The following SPIDR variants were observed in gnomAD, a reference collection of about 807,000 sequenced individuals.
SPIDR encodes DNA repair-scaffolding protein.
SPIDR carries 93 observed loss-of-function variants against 104.6 expected under a neutral mutation model. The ratio of observed to expected loss-of-function variants is 0.89; its 90% CI spans 0.75 to 1.06. The LOEUF is 1.06. Among genes scored for constraint, SPIDR ranks in the 50% least tolerant of loss-of-function variants. The probability of loss-of-function intolerance (pLI) is 0.00; values close to 1 mark genes in which losing one functional copy is unlikely to be tolerated. For synonymous variants in SPIDR, 431 were observed against 416.9 expected, an observed-to-expected ratio of 1.03 and a Z score of -0.41; for missense variants, 1,154 against 1,111.2, an observed-to-expected ratio of 1.04 and a Z score of -0.55.
intron 8 of SPIDR, among the ~76,000 whole-genome samples, chr8:47,553,072 G>C (rs1434516838): frequency 1.3e-5 from 2 of 152,198 alleles, no homozygotes; most frequent in African/African-American, 2.4e-5. Context: ...TTTTCTTTAA[G>C]AATGTTGAAT....
rs1370415347 is a variant in SPIDR, at chr8:47,685,610, T to TC, written c.1685+11669_1685+11670insC. ...ACTTTCAGTTTTTGTTTTTCTTTCT[T>TC]TTTTTTTAATCTCTGCTCACTGCAA... On this transcript the variant is annotated intron_variant, in intron 11 of 19. Transcript: ENST00000297423. Among the ~76,000 whole-genome samples the TC allele has an allele frequency of 3.3e-5, 5 of 150,480 alleles. No homozygotes were observed. The East Asian group carries it at 9.9e-4, about 30-fold the overall frequency.
At chr8:47,478,965 T>G (rs1475388417) in intron 8 of SPIDR, among the ~76,000 whole-genome samples, 1 of 152,204 alleles carries the variant, frequency 6.6e-6, no homozygotes, top group Non-Finnish European at 1.5e-5. Flanking sequence ...AATACATGAT[T>G]TGCTTTTGAG....
At chr8:47,319,764 A>G (rs113876994) in intron 5 of SPIDR, among the ~76,000 whole-genome samples, 535 of 152,328 alleles carry the variant, frequency 3.5e-3, no homozygotes, top group African/African-American at 0.012. Context: ...CCACAGTGCA[A>G]TCAAACTAGA....
intron 7 of SPIDR, among the ~76,000 whole-genome samples, chr8:47,413,238 G>A (rs913777487): frequency 2.6e-5 from 4 of 152,204 alleles, no homozygotes; most frequent in Non-Finnish European, 4.4e-5. Context: ...TTCATGCAGC[G>A]CTTTTGTTTC....
chr8:47,265,209 T>TTTTTTTTA (rs1225755863), intron 1 of SPIDR, among the ~76,000 whole-genome samples: 1 of 135,924 alleles, frequency 7.4e-6, no homozygotes, highest in African/African-American at 2.8e-5. Context: ...TTTTTTTTTT[T>TTTTTTTTA]GAGACAGTCT....
intron 14 of SPIDR, among the ~76,000 whole-genome samples, chr8:47,707,636 T>G (rs1181395754): frequency 6.6e-6 from 1 of 152,208 alleles, no homozygotes; most frequent in Non-Finnish European, 1.5e-5. Context: ...GATCACAGTT[T>G]TGTTGTCAAG....
intron 6 of SPIDR, among the ~76,000 whole-genome samples, chr8:47,397,663 A>C (rs1554659398): frequency 6.6e-6 from 1 of 152,130 alleles, no homozygotes; most frequent in African/African-American, 2.4e-5. Context: ...CATCATAAGA[A>C]GACCAGCCTG....
At chr8:47,413,259 A>G (rs2063782595) in intron 7 of SPIDR, among the ~76,000 whole-genome samples, 1 of 152,246 alleles carries the variant, frequency 6.6e-6, no homozygotes, top group Non-Finnish European at 1.5e-5. Flanking sequence ...CTTTTTCCAC[A>G]TGAGGAGATG....
chr8:47,536,824 G>T (rs1229405609), intron 8 of SPIDR, among the ~76,000 whole-genome samples: 1 of 152,186 alleles, frequency 6.6e-6, no homozygotes, highest in South Asian at 2.1e-4. Flanking sequence ...GACATATCTT[G>T]TAAAGAACTT....
chr8:47,543,356 T>TGATA (rs1227679061), intron 8 of SPIDR, among the ~76,000 whole-genome samples: 2 of 152,220 alleles, frequency 1.3e-5, no homozygotes, highest in Non-Finnish European at 2.9e-5. Context: ...ATTTTTATTC[T>TGATA]GATAGATAGA....
chr8:47,590,899 C>G (rs1311917972), intron 8 of SPIDR, among the ~76,000 whole-genome samples: 2 of 151,900 alleles, frequency 1.3e-5, no homozygotes, highest in Admixed American at 1.3e-4. Flanking sequence ...ATGTAATGTG[C>G]CTTTCTATAT....
intron 8 of SPIDR, among the ~76,000 whole-genome samples, chr8:47,516,541 G>T (rs117121648): frequency 6.6e-6 from 1 of 152,094 alleles, no homozygotes; most frequent in African/African-American, 2.4e-5. Flanking sequence ...GTTATTTTGT[G>T]TCTGGCTTAT....
intron 8 of SPIDR, 119 bp from the exon 9 acceptor site, chr8:47,595,692 G>A: frequency 1.2e-6 from 1 of 858,004 alleles, no homozygotes; most frequent in Non-Finnish European, 1.9e-6. Context: ...TCTGTGGGTG[G>A]GCTTGGCTTT....
chr8:47,299,880 G>C (rs1209793762), intron 5 of SPIDR, among the ~76,000 whole-genome samples: 12 of 152,050 alleles, frequency 7.9e-5, no homozygotes, highest in Non-Finnish European at 1.3e-4. Flanking sequence ...TTTTTGCATC[G>C]ATGTTCATCA....
chr8:47,294,139 CT>C, intron 5 of SPIDR, 109 bp downstream of exon 5: 1 of 1,378,870 alleles, frequency 7.3e-7, no homozygotes, highest in East Asian at 2.3e-5. Flanking sequence ...AGAACAACCA[CT>C]TTTGACTCTT....
chr8:47,365,254 T>C (rs1465244741), intron 5 of SPIDR, among the ~76,000 whole-genome samples: 2 of 152,184 alleles, frequency 1.3e-5, no homozygotes, highest in African/African-American at 4.8e-5. Flanking sequence ...CCAAGTGGCA[T>C]GAGAAAGGAT....
intron 8 of SPIDR, among the ~76,000 whole-genome samples, chr8:47,494,568 C>T (rs2079169367): frequency 6.6e-6 from 1 of 152,094 alleles, no homozygotes; most frequent in Non-Finnish European, 1.5e-5. Flanking sequence ...ACAATGTAGT[C>T]TCTGATTTGA....
At chr8:47,722,027 G>C (rs1475794221) in intron 16 of SPIDR, among the ~76,000 whole-genome samples, 1 of 152,060 alleles carries the variant, frequency 6.6e-6, no homozygotes, top group Non-Finnish European at 1.5e-5. Flanking sequence ...GAATATCTTT[G>C]CATTTATTTA....
chr8:47,310,659 A>C (rs2043977808), intron 5 of SPIDR, among the ~76,000 whole-genome samples: 1 of 152,174 alleles, frequency 6.6e-6, no homozygotes, highest in African/African-American at 2.4e-5. Context: ...CTTGAATAAA[A>C]ACCACAAGAC....
Sources: gnomAD v4.1 joint callset for allele counts (sites outside exome capture counted in the v4.1 genomes callset) on GRCh38, gnomAD v4.1.1 for gene constraint, MANE v1.5 for transcripts, NCBI Gene and HGNC (gene_info 2026-07-23, HGNC 2026-07-21) for gene names.